The following TAL1 variants were observed in gnomAD, a reference collection of about 807,000 sequenced individuals.
The protein encoded by TAL1 is T-cell acute lymphocytic leukemia protein 1.
Under a neutral mutation model 17.9 loss-of-function variants are expected in TAL1, and 8 were observed. That is an observed-to-expected ratio of 0.45 (90% confidence interval 0.26 to 0.81). The LOEUF is 0.81. Ranked by LOEUF, TAL1 falls within the 30% of genes least tolerant of loss-of-function variation. The pLI, the probability that TAL1 is intolerant of heterozygous loss-of-function variation, is 0.17. For missense variants in TAL1, 466 were observed against 486.9 expected (o/e 0.96, Z 0.40); for synonymous variants, 223 against 218.6 (o/e 1.02, Z -0.18).
rs371164597 is a variant in TAL1, at chr1:47,220,189, G to C, written c.542-15C>G. On this transcript the variant is annotated splice_polypyrimidine_tract_variant and intron_variant, in intron 3 of 3. Transcript: ENST00000294339. ...GGTGTGGGGACCTGGAGATTAGGAG[G>C]ACAAGAGTTAGGAGAATGGGCTTGA... 32 of 1,528,104 alleles carry C rather than the reference G, an allele frequency of 2.1e-5. No individual in the cohort carries two copies. The highest frequency in any genetic ancestry group is 2.7e-5 in the Non-Finnish European group (31 of 1,132,704). 94.7% of individuals were successfully genotyped at this position (1,528,104 alleles called of 1,614,324 possible). A position where few individuals can be genotyped will look rare whatever the true frequency, so the allele number is the denominator to read the frequency against.
chr1:47,223,939 C>T, intron 3 of TAL1, 65 bp downstream of exon 4: 1 of 1,477,068 alleles, frequency 6.8e-7, no homozygotes, highest in East Asian at 2.3e-5. Context: ...CCCAGATGTT[C>T]CCTCCTCCAG....
chr1:47,225,585 C>G, exon 2 of TAL1: 1 of 1,287,196 alleles, frequency 7.8e-7, no homozygotes, highest in South Asian at 2.7e-5. Flanking sequence ...GGCGCGGGGG[C>G]CGGGGCGGGC....
At chr1:47,224,049 G>T in exon 3 of TAL1, 1 of 1,613,864 alleles carries the variant, frequency 6.2e-7, no homozygotes, top group Non-Finnish European at 8.5e-7. Context: ...CTCTTCACTC[G>T]ATTGTTGGTG....
At chr1:47,224,248 A>G (rs1034822005) in intron 2 of TAL1, 150 bp from the exon 4 acceptor site, 1 of 493,812 alleles carries the variant, frequency 2.0e-6, no homozygotes. Flanking sequence ...GCACACACAG[A>G]CACACACACA....
chr1:47,226,445 G>A (rs1569919858), intron 1 of TAL1, among the ~76,000 whole-genome samples: 1 of 152,222 alleles, frequency 6.6e-6, no homozygotes, highest in Non-Finnish European at 1.5e-5. Context: ...TGGAAGTAGG[G>A]AATTAGAAAG....
In TAL1 at chr1:47,217,579, G is replaced by C. The variant is rs149018222; in HGVS notation, c.*2141C>G. 3.5e-4 allele frequency: 140 copies of C among 398,602 alleles called. No individual in the cohort carries two copies. In the East Asian group the frequency reaches 4.0e-3, roughly 11 times the overall value. The allele number at this position is 398,602 out of a possible 1,614,324, so 24.7% of individuals were successfully genotyped here. A position where few individuals can be genotyped will look rare whatever the true frequency, so the allele number is the denominator to read the frequency against. ...GATTGAGATTGAGGGAAAAGAAAAAGTTCTTTACGTTCTCAAAACTGTCTA... is the reference window on the plus strand; with the variant it reads ...GATTGAGATTGAGGGAAAAGAAAAACTTCTTTACGTTCTCAAAACTGTCTA... On this transcript the variant is annotated 3_prime_UTR_variant, in exon 4 of 4. Coordinates refer to ENST00000294339, the Ensembl canonical transcript of TAL1.
chr1:47,219,051 A>C (rs915661328), exon 4 of TAL1: 6 of 323,320 alleles, frequency 1.9e-5, no homozygotes, highest in Non-Finnish European at 3.5e-5. Context: ...ATTGGGGAGA[A>C]AGCAGAACTT....
At chr1:47,222,672 A>T (rs189553565) in intron 3 of TAL1, among the ~76,000 whole-genome samples, 1 of 152,018 alleles carries the variant, frequency 6.6e-6, no homozygotes, top group Non-Finnish European at 1.5e-5. Context: ...GTTTTATTCC[A>T]GAGAACCACC....
At chr1:47,219,528 C>G (rs1276292953) in exon 4 of TAL1, 1 of 891,874 alleles carries the variant, frequency 1.1e-6, no homozygotes, top group South Asian at 1.4e-5. Flanking sequence ...TTTTTCTGAT[C>G]TCCTACTGGT....
chr1:47,228,693 C>T (rs1321886801), intron 1 of TAL1: 2 of 167,798 alleles, frequency 1.2e-5, no homozygotes, highest in African/African-American at 4.8e-5. Flanking sequence ...TGGAGAAGCC[C>T]CAAGCCTGCA....
At position 47,225,898 on chromosome 1, in the gene TAL1, AG is replaced by A; in HGVS notation, c.-1-10del. ...GCGGCCGCTCGGTCATCCTGTGGGC[AG>A]ACAGACAGACAAGCGGATGCCCGCT... On this transcript the variant is annotated splice_polypyrimidine_tract_variant and intron_variant, in intron 1 of 3. Transcript: ENST00000294339. The A allele has an allele frequency of 3.4e-5, 14 of 413,576 alleles. No homozygotes were observed. The highest frequency in any genetic ancestry group is 6.0e-5 in the Non-Finnish European group (14 of 234,992). The allele number at this position is 413,576 out of a possible 1,614,324, so 25.6% of individuals were successfully genotyped here. A position where few individuals can be genotyped will look rare whatever the true frequency, so the allele number is the denominator to read the frequency against.
At chr1:47,230,337 A>G (rs1374759837), upstream of TAL1, 1 of 152,206 alleles carries the variant, frequency 6.6e-6, no homozygotes, top group Non-Finnish European at 1.5e-5. Flanking sequence ...CAGGCTTATG[A>G]TCACACATCG....
upstream of TAL1, chr1:47,232,286 A>G (rs568235922): frequency 9.5e-4 from 76 of 79,990 alleles, no homozygotes; most frequent in African/African-American, 2.2e-3. Flanking sequence ...CGGCCCCTCC[A>G]CCGACGCGCT....
At chr1:47,219,176 T>G in exon 4 of TAL1, 1 of 429,358 alleles carries the variant, frequency 2.3e-6, no homozygotes, top group East Asian at 4.0e-5. Context: ...AGAAGGCACC[T>G]CGAGGCTTGT....
intron 2 of TAL1, among the ~76,000 whole-genome samples, chr1:47,224,639 C>T (rs879805445): frequency 1.3e-5 from 2 of 152,098 alleles, no homozygotes; most frequent in Non-Finnish European, 2.9e-5. Context: ...GACAGGAAAC[C>T]CTGACTCCCC....
At chr1:47,217,217 CAAAAAA>C (rs36017365) in exon 4 of TAL1, 2 of 242,608 alleles carry the variant, frequency 8.2e-6, no homozygotes, top group Non-Finnish European at 1.5e-5. Context: ...CCATCTCTAC[CAAAAAA>C]AAAAAAAAGT....
chr1:47,220,168 T>G, exon 4 of TAL1: 1 of 1,558,026 alleles, frequency 6.4e-7, no homozygotes, highest in Non-Finnish European at 8.7e-7. Context: ...AACTTTGGTG[T>G]GGGGACCTGG....
intron 1 of TAL1, chr1:47,228,046 T>C (rs1412243464): frequency 2.0e-5 from 3 of 152,600 alleles, no homozygotes; most frequent in African/African-American, 7.2e-5. Context: ...GCTCCTGCTC[T>C]AGCGGTGGAT....
exon 4 of TAL1, chr1:47,219,543 G>T: frequency 9.7e-7 from 1 of 1,030,682 alleles, no homozygotes; most frequent in Non-Finnish European, 1.5e-6. Flanking sequence ...ACTGGTACAG[G>T]AAACAGAAAA....
Sources: gnomAD v4.1 joint callset for allele counts (sites outside exome capture counted in the v4.1 genomes callset) on GRCh38, gnomAD v4.1.1 for gene constraint, MANE v1.5 for transcripts, NCBI Gene and HGNC (gene_info 2026-07-23, HGNC 2026-07-21) for gene names.